CFAP100: variants seen among roughly 807,000 people sequenced by gnomAD.
CFAP100 encodes cilia and flagella associated protein 100, also known as cilia- and flagella-associated protein 100.
In CFAP100, 70 loss-of-function variants were observed where a neutral mutation model predicts 81.5. That is an observed-to-expected ratio of 0.86 (90% CI 0.71 to 1.05). CFAP100 has a LOEUF of 1.05. Among genes scored for constraint, CFAP100 ranks in the 50% least tolerant of loss-of-function variants. The pLI is 0.00. For synonymous variants in CFAP100, 341 were observed against 314.8 expected (o/e 1.08, Z -0.88); for missense variants, 811 against 776.5 (o/e 1.04, Z -0.53).
intron 13 of CFAP100, among the ~76,000 whole-genome samples, chr3:126,428,364 G>A (rs58260044): frequency 0.23 from 34,558 of 151,982 alleles, 4,102 homozygotes; most frequent in East Asian, 0.36. Context: ...GAGGGAGAGA[G>A]GGATAAAGAG....
At position 126,395,932 on chromosome 3, in the gene CFAP100, C is replaced by T. The variant is rs1286371115; in HGVS notation, c.-59-10C>T. ...GGACCACCAGGCTCAAGCACTGTGTCACTCCTCAGGTGAGGATCTCCTTTA... is the reference window on the plus strand; with the variant it reads ...GGACCACCAGGCTCAAGCACTGTGTTACTCCTCAGGTGAGGATCTCCTTTA... On this transcript the variant is annotated splice_polypyrimidine_tract_variant and intron_variant, in intron 1 of 16. Coordinates refer to ENST00000352312, the MANE Select transcript of CFAP100 (RefSeq NM_182628.3). The T allele has an allele frequency of 1.5e-6, 2 of 1,356,616 alleles. No homozygotes were observed. Among genetic ancestry groups the T allele is most frequent in the Non-Finnish European group, 2.1e-6 (2 of 948,600 alleles). The allele number at this position is 1,356,616 out of a possible 1,614,324, so 84.0% of individuals were successfully genotyped here.
At chr3:126,422,985 G>A (rs1457471596) in intron 11 of CFAP100, among the ~76,000 whole-genome samples, 4 of 152,148 alleles carry the variant, frequency 2.6e-5, no homozygotes, top group Non-Finnish European at 5.9e-5. Context: ...GACCCAAGAG[G>A]AGAGCAGGTT....
At chr3:126,423,089 A>T (rs1283488506) in intron 11 of CFAP100, among the ~76,000 whole-genome samples, 1 of 152,218 alleles carries the variant, frequency 6.6e-6, no homozygotes, top group Non-Finnish European at 1.5e-5. Flanking sequence ...TGGTTTGTCC[A>T]GCATGTCAAA....
chr3:126,405,738 C>T (rs558584427), intron 2 of CFAP100, among the ~76,000 whole-genome samples: 1 of 152,272 alleles, frequency 6.6e-6, no homozygotes, highest in East Asian at 1.9e-4. Flanking sequence ...CATATCAATA[C>T]ATCAAACCTG....
rs1204352660 is a variant in CFAP100 at position 126,418,527 on chromosome 3, T to C, written c.486+2T>C. 16 of 1,613,894 alleles carry C rather than the reference T, an allele frequency of 9.9e-6. No homozygotes were observed. The highest frequency in any genetic ancestry group is 1.3e-5 in the African/African-American group (1 of 74,880). The stretch of plus-strand genomic sequence containing the variant: ...AAGCGGCAAATGTTCCTCCTCCAGG[T>C]AGGTCCCGTGGCCCCCAGAGCGATG... On this transcript the variant is annotated splice_donor_variant, in intron 6 of 16. Transcript: ENST00000352312. LOFTEE classifies it high-confidence loss of function.
chr3:126,427,596 T>C (rs1015293410), intron 13 of CFAP100, among the ~76,000 whole-genome samples: 1 of 152,214 alleles, frequency 6.6e-6, no homozygotes, highest in Non-Finnish European at 1.5e-5. Flanking sequence ...TTCTAGATCA[T>C]ATAGTACAAG....
At chr3:126,427,949 T>C (rs762395223) in intron 13 of CFAP100, among the ~76,000 whole-genome samples, 8 of 152,088 alleles carry the variant, frequency 5.3e-5, no homozygotes, top group Non-Finnish European at 7.4e-5. Flanking sequence ...CACACACTTT[T>C]AAACAACCAG....
rs749298199 is a variant in CFAP100, at chr3:126,423,585, G to A, written c.1227G>A (p.Gln409=). 6.2e-7 allele frequency: 1 copy of A among 1,612,274 alleles called. No homozygotes were observed. The highest frequency in any genetic ancestry group is 1.1e-5 in the South Asian group (1 of 90,960). Residue 409 remains glutamine, a synonymous_variant, in exon 13 of 17, where the codon CAG becomes CAA. Transcript: ENST00000352312. ...ACCTGTCGCTGATCCAGAACAGCCA[G>A]GAGACGGAGAAGACCCTGGAGGAGC... ...EQNLSLIQNS[Q]ETEKTLEELS...
intron 2 of CFAP100, among the ~76,000 whole-genome samples, chr3:126,402,472 G>A (rs1376233412): frequency 6.6e-6 from 1 of 152,208 alleles, no homozygotes; most frequent in Non-Finnish European, 1.5e-5. Context: ...TGAGTGAGCA[G>A]GTGTAGGACT....
At chr3:126,432,717 G>A (rs1243599588) in intron 13 of CFAP100, 1 of 187,234 alleles carries the variant, frequency 5.3e-6, no homozygotes, top group African/African-American at 2.4e-5. Context: ...GGCACAGGGT[G>A]ATGAAAATGT....
Position 126,434,326 on chromosome 3 carries a change from C to G in CFAP100, c.1573C>G (p.Pro525Ala). Reference protein sequence around the residue: ...DELLENLEHVPQVKIEQAERA... With the variant: ...DELLENLEHVAQVKIEQAERA... Reference sequence around the variant, plus strand: ...GCTGCTAGAGAACCTGGAGCACGTGCCCCAGGTCAAGATCGAGCAGGCCGA... The same window carrying G: ...GCTGCTAGAGAACCTGGAGCACGTGGCCCAGGTCAAGATCGAGCAGGCCGA... The change falls in exon 15 of 17, where the codon CCC becomes GCC. Residue 525 changes from proline to alanine, a missense_variant. Transcript: ENST00000352312. 6.2e-7 allele frequency: 1 copy of G among 1,614,088 alleles called. No individual in the cohort carries two copies. Among genetic ancestry groups the G allele is most frequent in the Admixed American group, 1.7e-5 (1 of 60,018 alleles).
At chr3:126,435,388 A>C (rs925510435) in intron 15 of CFAP100, among the ~76,000 whole-genome samples, 171 bp from the exon 16 acceptor site, 2 of 152,168 alleles carry the variant, frequency 1.3e-5, no homozygotes, top group African/African-American at 4.8e-5. Context: ...GGCCAAAAGC[A>C]GCGGTGCTTT....
intron 4 of CFAP100, among the ~76,000 whole-genome samples, chr3:126,415,046 C>A (rs1385757712): frequency 6.6e-6 from 1 of 152,164 alleles, no homozygotes; most frequent in Non-Finnish European, 1.5e-5. Flanking sequence ...CCTAGACTGG[C>A]TGAGACCCAG....
At chr3:126,396,240 G>A (rs141966864) in intron 2 of CFAP100, among the ~76,000 whole-genome samples, 191 bp downstream of exon 2, 28 of 152,280 alleles carry the variant, frequency 1.8e-4, no homozygotes, top group Middle Eastern at 3.4e-3. Context: ...AAACTGGGGG[G>A]CTGGAGTCAC....
chr3:126,433,989 G>A lies in CFAP100; in HGVS notation c.1423-187G>A. The A allele has an allele frequency of 6.8e-6, 4 of 586,714 alleles. No individual in the cohort carries two copies. The South Asian group carries it at 8.4e-5, about 12-fold the overall frequency. The allele number at this position is 586,714 out of a possible 1,614,324, so 36.3% of individuals were successfully genotyped here. ...TCTGGCTGACTCCAGGGGGCCCGGG[G>A]GATAGGCTGCTCTGGCCAAGAAAAG... On this transcript the variant is annotated intron_variant, in intron 14 of 16. Coordinates refer to ENST00000352312, the MANE Select transcript of CFAP100 (RefSeq NM_182628.3).
intron 2 of CFAP100, among the ~76,000 whole-genome samples, chr3:126,401,397 TTATA>T (rs58055481): frequency 0.047 from 3,551 of 75,196 alleles, 60 homozygotes; most frequent in Non-Finnish European, 0.053. Context: ...AAATCGTATT[TTATA>T]TATATATATA....
chr3:126,419,530 A>G, intron 8 of CFAP100, 107 bp from the exon 9 acceptor site: 2 of 978,376 alleles, frequency 2.0e-6, no homozygotes, highest in Non-Finnish European at 3.1e-6. Context: ...GAAAACAAGG[A>G]GCCCACACAG....
intron 2 of CFAP100, among the ~76,000 whole-genome samples, chr3:126,401,397 T>TATA (rs2082977111): frequency 3.9e-5 from 3 of 76,216 alleles, no homozygotes; most frequent in African/African-American, 9.2e-5. Context: ...AAATCGTATT[T>TATA]TATATATATA....
intron 2 of CFAP100, among the ~76,000 whole-genome samples, chr3:126,405,160 G>C (rs2083044591): frequency 6.6e-6 from 1 of 151,860 alleles, no homozygotes; most frequent in Non-Finnish European, 1.5e-5. Flanking sequence ...CCCTAGCCCT[G>C]GCGACCACTG....
Sources: gnomAD v4.1 joint callset for allele counts (sites outside exome capture counted in the v4.1 genomes callset) on GRCh38, gnomAD v4.1.1 for gene constraint, MANE v1.5 for transcripts, NCBI Gene and HGNC (gene_info 2026-07-23, HGNC 2026-07-21) for gene names.